The following SLC24A3 variants were observed in gnomAD, a reference collection of about 807,000 sequenced individuals.
The protein encoded by SLC24A3 is sodium/potassium/calcium exchanger 3.
In SLC24A3, 28 loss-of-function variants were observed where a neutral mutation model predicts 75.8. The ratio of observed to expected loss-of-function variants is 0.37; its 90% confidence interval spans 0.27 to 0.51. The LOEUF (loss-of-function observed/expected upper bound fraction) is 0.51, where lower values mean the gene tolerates loss of function less well. Ranked by LOEUF, SLC24A3 falls within the 20% of genes least tolerant of loss-of-function variation. SLC24A3 has a pLI of 0.94. For missense variants in SLC24A3, 663 were observed against 847.8 expected, an observed-to-expected ratio of 0.78 and a Z score of 2.71; for synonymous variants, 372 against 334.1, an observed-to-expected ratio of 1.11 and a Z score of -1.24.
intron 2 of SLC24A3, among the ~76,000 whole-genome samples, chr20:19,470,013 G>T (rs981391163): frequency 5.9e-5 from 9 of 152,162 alleles, no homozygotes; most frequent in Non-Finnish European, 1.3e-4. Context: ...AGGGACCCTT[G>T]CTTGAGAACC....
At chr20:19,348,431 C>A (rs2207091) in intron 2 of SLC24A3, among the ~76,000 whole-genome samples, 1 of 151,862 alleles carries the variant, frequency 6.6e-6, no homozygotes, top group Non-Finnish European at 1.5e-5. Context: ...AGACAGTCCA[C>A]GTATAGGGCA....
intron 2 of SLC24A3, among the ~76,000 whole-genome samples, chr20:19,404,623 C>T (rs1986610271): frequency 1.3e-5 from 2 of 152,186 alleles, no homozygotes; most frequent in South Asian, 4.1e-4. Context: ...TAATCCAGTT[C>T]AGTGCATTCT....
intron 2 of SLC24A3, among the ~76,000 whole-genome samples, chr20:19,490,799 C>T (rs766062882): frequency 6.6e-5 from 10 of 152,162 alleles, no homozygotes; most frequent in Non-Finnish European, 1.2e-4. Flanking sequence ...GGACTTATAT[C>T]TCCCATCCTT....
intron 1 of SLC24A3, chr20:19,244,089 T>C (rs1982413333): frequency 6.6e-6 from 1 of 152,214 alleles, no homozygotes; most frequent in South Asian, 2.1e-4. Flanking sequence ...TGTCAATTCT[T>C]TTTTCTCAAT....
rs528915442 is a variant in SLC24A3, at chr20:19,472,267, A to G, written c.272-43221A>G. Among the ~76,000 whole-genome samples, 92 of 152,352 alleles carry G rather than the reference A, an allele frequency of 6.0e-4. 1 individual carries two copies. The highest frequency in any genetic ancestry group is 2.1e-3 in the African/African-American group (88 of 41,582). On this transcript the variant is annotated intron_variant, in intron 2 of 16. Transcript: ENST00000328041. ...GTCACCTGCCTGGGGGCCCTGCGTTATGCACATAAAAAATGCATGGGTGGT... is the reference window on the plus strand; with the variant it reads ...GTCACCTGCCTGGGGGCCCTGCGTTGTGCACATAAAAAATGCATGGGTGGT...
chr20:19,254,902 C>T (rs925635909), intron 1 of SLC24A3, among the ~76,000 whole-genome samples: 1 of 152,218 alleles, frequency 6.6e-6, no homozygotes, highest in African/African-American at 2.4e-5. Flanking sequence ...GAGAAAGTTA[C>T]GTAAACTCTC....
intron 1 of SLC24A3, among the ~76,000 whole-genome samples, chr20:19,278,771 T>A (rs1983565241): frequency 6.6e-6 from 1 of 152,220 alleles, no homozygotes; most frequent in Non-Finnish European, 1.5e-5. Flanking sequence ...TCCTCCATTT[T>A]TTGGGGAAAA....
At chr20:19,395,476 G>A (rs962192511) in intron 2 of SLC24A3, among the ~76,000 whole-genome samples, 1 of 152,168 alleles carries the variant, frequency 6.6e-6, no homozygotes, top group African/African-American at 2.4e-5. Flanking sequence ...GTTTGCAAAT[G>A]TGTGTGTGCA....
At chr20:19,553,133 C>T (rs2030727453) in intron 3 of SLC24A3, among the ~76,000 whole-genome samples, 1 of 92,912 alleles carries the variant, frequency 1.1e-5, no homozygotes, top group Non-Finnish European at 2.4e-5. Flanking sequence ...TAAAATTATT[C>T]TGGCAAATCA....
chr20:19,606,775 T>C (rs2031603223), intron 6 of SLC24A3, among the ~76,000 whole-genome samples: 1 of 152,164 alleles, frequency 6.6e-6, no homozygotes, highest in South Asian at 2.1e-4. Context: ...GTCCAATCCC[T>C]CATTTTGCAG....
chr20:19,597,193 C>G (rs1011753756), intron 6 of SLC24A3, among the ~76,000 whole-genome samples: 2 of 150,654 alleles, frequency 1.3e-5, no homozygotes, highest in South Asian at 4.2e-4. Flanking sequence ...CAACGAACGG[C>G]CTGGGCAACA....
chr20:19,339,663 G>A (rs186728815), intron 2 of SLC24A3, among the ~76,000 whole-genome samples: 1 of 152,298 alleles, frequency 6.6e-6, no homozygotes, highest in East Asian at 1.9e-4. Context: ...TTAACCCAAA[G>A]CTTCCAAGTT....
At chr20:19,668,489 G>A (rs1175481337) in intron 8 of SLC24A3, among the ~76,000 whole-genome samples, 1 of 152,084 alleles carries the variant, frequency 6.6e-6, no homozygotes, top group African/African-American at 2.4e-5. Flanking sequence ...ATTCCAGCAT[G>A]GCCTAGAGAT....
At chr20:19,566,055 A>C (rs929897055) in intron 3 of SLC24A3, among the ~76,000 whole-genome samples, 3 of 152,184 alleles carry the variant, frequency 2.0e-5, no homozygotes, top group Non-Finnish European at 4.4e-5. Context: ...TCGTTTATTC[A>C]TTCAAATTCC....
chr20:19,454,599 G>T (rs1324168773), intron 2 of SLC24A3, among the ~76,000 whole-genome samples: 1 of 152,146 alleles, frequency 6.6e-6, no homozygotes, highest in Non-Finnish European at 1.5e-5. Flanking sequence ...TTTTACAAAT[G>T]ATAGAGACTT....
At chr20:19,490,537 T>C (rs777093543) in intron 2 of SLC24A3, among the ~76,000 whole-genome samples, 1 of 152,206 alleles carries the variant, frequency 6.6e-6, no homozygotes, top group East Asian at 1.9e-4. Flanking sequence ...TTTGAACTAC[T>C]GAAAAATCCT....
At chr20:19,508,979 G>C (rs944917769) in intron 2 of SLC24A3, among the ~76,000 whole-genome samples, 3 of 152,240 alleles carry the variant, frequency 2.0e-5, no homozygotes, top group African/African-American at 7.2e-5. Flanking sequence ...GAAGGAACTG[G>C]CAATATGTGG....
At chr20:19,427,830 G>A (rs1302980531) in intron 2 of SLC24A3, among the ~76,000 whole-genome samples, 2 of 152,234 alleles carry the variant, frequency 1.3e-5, no homozygotes, top group Non-Finnish European at 2.9e-5. Context: ...TTTATCTCCC[G>A]TCAGGGAACA....
chr20:19,655,501 A>G (rs1014127184), intron 7 of SLC24A3, among the ~76,000 whole-genome samples: 36 of 151,914 alleles, frequency 2.4e-4, no homozygotes, highest in African/African-American at 8.2e-4. Context: ...TTATGTGTCA[A>G]CTCGACTGGG....
Sources: gnomAD v4.1 joint callset for allele counts (sites outside exome capture counted in the v4.1 genomes callset) on GRCh38, gnomAD v4.1.1 for gene constraint, MANE v1.5 for transcripts, NCBI Gene and HGNC (gene_info 2026-07-23, HGNC 2026-07-21) for gene names.